Variants in AKAP7 observed in about 807,000 individuals in gnomAD.
AKAP7 encodes the protein A kinase (PRKA) anchor protein 7.
In AKAP7, 39 loss-of-function variants were observed where a neutral mutation model predicts 39.5. The observed-to-expected ratio is 0.99, with a 90% CI of 0.76 to 1.29. The LOEUF (loss-of-function observed/expected upper bound fraction) is 1.29, where lower values mean the gene tolerates loss of function less well. Ranked by LOEUF, AKAP7 falls within the 50% of genes most tolerant of loss-of-function variation. The pLI, the probability that AKAP7 is intolerant of heterozygous loss-of-function variation, is 0.00. For synonymous variants in AKAP7, 140 were observed against 139.1 expected (o/e 1.01, Z -0.05); for missense variants, 414 against 407.7 (o/e 1.02, Z -0.13).
intron 1 of AKAP7, among the ~76,000 whole-genome samples, chr6:131,142,948 C>A (rs1801168794): frequency 6.6e-6 from 1 of 152,208 alleles, no homozygotes; most frequent in African/African-American, 2.4e-5. Context: ...GTCTCCCCTG[C>A]TAGGTTTTGG....
At chr6:131,218,192 CAT>C (rs1324574919) in intron 6 of AKAP7, among the ~76,000 whole-genome samples, 1 of 152,092 alleles carries the variant, frequency 6.6e-6, no homozygotes, top group Non-Finnish European at 1.5e-5. Context: ...TCAATAGAAA[CAT>C]GTTTAATATG....
chr6:131,216,567 A>G (rs1401128508), intron 6 of AKAP7, among the ~76,000 whole-genome samples: 1 of 152,230 alleles, frequency 6.6e-6, no homozygotes, highest in Non-Finnish European at 1.5e-5. Flanking sequence ...AACATCGCTG[A>G]TAATTTTTCC....
chr6:131,232,482 G>GTTTA (rs1810703941), intron 7 of AKAP7, among the ~76,000 whole-genome samples: 1 of 152,118 alleles, frequency 6.6e-6, no homozygotes. Context: ...ATTAATCGAT[G>GTTTA]TTTATTAATG....
intron 7 of AKAP7, among the ~76,000 whole-genome samples, chr6:131,240,799 G>A (rs192449578): frequency 1.5e-4 from 23 of 152,276 alleles, no homozygotes; most frequent in Admixed American, 2.0e-4. Context: ...TCCAGGTGCC[G>A]TCTGTCACCC....
At chr6:131,271,446 T>C (rs1209491517) in intron 7 of AKAP7, among the ~76,000 whole-genome samples, 1 of 152,138 alleles carries the variant, frequency 6.6e-6, no homozygotes, top group Non-Finnish European at 1.5e-5. Flanking sequence ...CTGTCTCTCT[T>C]TCTGTAGCTT....
At chr6:131,264,859 G>A in intron 7 of AKAP7, among the ~76,000 whole-genome samples, 1 of 152,160 alleles carries the variant, frequency 6.6e-6, no homozygotes, top group Non-Finnish European at 1.5e-5. Flanking sequence ...AAGAGCAGGA[G>A]CAAGAGAGGG....
chr6:131,158,033 C>T (rs374136802), intron 2 of AKAP7, among the ~76,000 whole-genome samples: 36 of 152,216 alleles, frequency 2.4e-4, no homozygotes, highest in East Asian at 1.5e-3. Context: ...ATTTTAAACA[C>T]GCTGTACTAT....
intron 7 of AKAP7, among the ~76,000 whole-genome samples, chr6:131,267,293 A>T (rs1475863885): frequency 1.3e-5 from 2 of 152,174 alleles, no homozygotes. Context: ...AAGCAGCATC[A>T]CTAGTCAGTG....
chr6:131,260,962 C>T (rs1486707687), intron 7 of AKAP7, among the ~76,000 whole-genome samples: 2 of 152,004 alleles, frequency 1.3e-5, no homozygotes, highest in South Asian at 2.1e-4. Context: ...TTTGGGAGGC[C>T]GAGGTGGGTG....
In AKAP7 at chr6:131,160,096, A is replaced by G; in HGVS notation, c.189A>G (p.Gln63=). The change falls in exon 3 of 8, where the codon CAA becomes CAG. Residue 63 remains glutamine, a synonymous_variant. Transcript: ENST00000431975. ...CTCAAATAAATTTGAAGAGAAGTCA[A>G]GAAAATGAATGGGTCAAGAGTGATC... ...DEPQINLKRS[Q]ENEWVKSDQV... is the part of the protein sequence containing the mutation. 1 of 1,597,414 alleles carries G rather than the reference A, an allele frequency of 6.3e-7. No homozygotes were observed. Among genetic ancestry groups the G allele is most frequent in the Non-Finnish European group, 8.5e-7 (1 of 1,176,090 alleles).
chr6:131,264,048 A>G (rs1813579508), intron 7 of AKAP7, among the ~76,000 whole-genome samples: 1 of 152,062 alleles, frequency 6.6e-6, no homozygotes, highest in Admixed American at 6.6e-5. Flanking sequence ...ATTTTTACTG[A>G]GAGTGTATCT....
intron 3 of AKAP7, among the ~76,000 whole-genome samples, chr6:131,162,015 C>T (rs926796610): frequency 6.6e-6 from 1 of 152,294 alleles, no homozygotes; most frequent in South Asian, 2.1e-4. Flanking sequence ...TTTCCCTAGG[C>T]CGCTCATTTT....
intron 7 of AKAP7, among the ~76,000 whole-genome samples, chr6:131,230,313 A>T (rs919224979): frequency 1.3e-5 from 2 of 152,142 alleles, no homozygotes; most frequent in Non-Finnish European, 1.5e-5. Flanking sequence ...ATGATATCTC[A>T]TTGCAGTTTT....
upstream of AKAP7, among the ~76,000 whole-genome samples, chr6:131,132,731 A>T (rs1800354724): frequency 6.6e-6 from 1 of 152,208 alleles, no homozygotes; most frequent in African/African-American, 2.4e-5. Flanking sequence ...GGAAATCTGA[A>T]AATTATATTT....
the AKAP7 span, among the ~76,000 whole-genome samples, chr6:131,128,425 T>G: frequency 6.6e-6 from 1 of 152,208 alleles, no homozygotes. Flanking sequence ...CATATAGATT[T>G]GCATGAAGTT....
intron 6 of AKAP7, among the ~76,000 whole-genome samples, chr6:131,212,261 T>C (rs1172773153): frequency 6.6e-6 from 1 of 152,226 alleles, no homozygotes; most frequent in African/African-American, 2.4e-5. Flanking sequence ...AGGTTCCGGT[T>C]GAATGTTATA....
At chr6:131,164,982 T>C in intron 3 of AKAP7, 99 bp from the exon 4 acceptor site, 1 of 911,390 alleles carries the variant, frequency 1.1e-6, no homozygotes, top group East Asian at 2.7e-5. Context: ...CTAATTTTGG[T>C]TGTTGCTTAT....
At chr6:131,278,381 ATGAATGACCAAATGG>A (rs1281319190) in intron 7 of AKAP7, among the ~76,000 whole-genome samples, 1 of 152,224 alleles carries the variant, frequency 6.6e-6, no homozygotes, top group Non-Finnish European at 1.5e-5. Context: ...CAATTGTTGA[ATGAATGACCAAATGG>A]CCATGTACTA....
At chr6:131,183,916 C>G (rs965187456) in intron 5 of AKAP7, among the ~76,000 whole-genome samples, 4 of 152,168 alleles carry the variant, frequency 2.6e-5, no homozygotes, top group Non-Finnish European at 4.4e-5. Context: ...TCTGGCCTGG[C>G]TCGCCTCTGG....
Sources: gnomAD v4.1 joint callset for allele counts (sites outside exome capture counted in the v4.1 genomes callset) on GRCh38, gnomAD v4.1.1 for gene constraint, MANE v1.5 for transcripts, NCBI Gene and HGNC (gene_info 2026-07-23, HGNC 2026-07-21) for gene names.